C18orf63: variants seen among roughly 807,000 people sequenced by gnomAD.
C18orf63 encodes chromosome 18 open reading frame 63.
C18orf63 carries 50 observed loss-of-function variants against 75.3 expected under a neutral mutation model. The ratio of observed to expected loss-of-function variants is 0.66; its 90% CI spans 0.53 to 0.84. The LOEUF (loss-of-function observed/expected upper bound fraction) is 0.84, where lower values mean the gene tolerates loss of function less well. Ranked by LOEUF, C18orf63 falls within the 40% of genes least tolerant of loss-of-function variation. The probability of loss-of-function intolerance (pLI) is 0.00; values close to 1 mark genes in which losing one functional copy is unlikely to be tolerated. For missense variants in C18orf63, 732 were observed against 800.2 expected (o/e 0.91, Z 1.03); for synonymous variants, 232 against 267.6 (o/e 0.87, Z 1.30).
chr18:74,353,649 A>G lies in C18orf63; in HGVS notation c.1382A>G (p.His461Arg). The G allele has an allele frequency of 6.5e-7, 1 of 1,536,218 alleles. No homozygotes were observed. Among genetic ancestry groups the G allele is most frequent in the South Asian group, 1.2e-5 (1 of 84,064 alleles). The change falls in exon 12 of 14, where the codon CAT (histidine) becomes CGT (arginine). Residue 461 changes from histidine (H) to arginine (R), a missense_variant. By Grantham distance (29) the His-to-Arg change is conservative. Coordinates refer to ENST00000579455, the MANE Select transcript of C18orf63 (RefSeq NM_001174123.2). Reference protein sequence around the residue: ...SVLGSPKRKQHDVTQSKLFSL... With the variant: ...SVLGSPKRKQRDVTQSKLFSL... ...CTTGGCAGCCCAAAAAGAAAACAGC[A>G]TGATGTGACACAATCTAAATTGTTT...
intron 4 of C18orf63, among the ~76,000 whole-genome samples, chr18:74,323,083 A>G (rs1984151937): frequency 6.6e-6 from 1 of 152,230 alleles, no homozygotes; most frequent in Non-Finnish European, 1.5e-5. Flanking sequence ...GCTAATATGT[A>G]GAGAAATAAA....
intron 6 of C18orf63, among the ~76,000 whole-genome samples, chr18:74,330,225 G>C (rs1221310737): frequency 6.6e-6 from 1 of 152,132 alleles, no homozygotes; most frequent in African/African-American, 2.4e-5. Context: ...CAAATTTTAA[G>C]TGTCTAGCTC....
rs2145110917 is a variant in C18orf63, at chr18:74,316,057, C to A, written c.-85C>A. ...TTCCTCCCCCTGAGGAGACGCCTGA[C>A]GCATCTGCAGTGCAGGAGGCCGTGG... On this transcript the variant is annotated 5_prime_UTR_variant, in exon 1 of 14. Transcript: ENST00000579455. The A allele has an allele frequency of 6.6e-6, 1 of 152,304 alleles. No individual in the cohort carries two copies. The highest frequency in any genetic ancestry group is 6.5e-5 in the Admixed American group (1 of 15,306). 9.4% of individuals were successfully genotyped at this position (152,304 alleles called of 1,614,324 possible).
intron 8 of C18orf63, among the ~76,000 whole-genome samples, chr18:74,341,270 CAAAAAAAAAAAA>C (rs58362707): frequency 1.5e-4 from 9 of 59,002 alleles, no homozygotes; most frequent in East Asian, 1.2e-3. Flanking sequence ...GACTCCGTCT[CAAAAAAAAAAAA>C]AAAAAAAAAA....
chr18:74,333,661 C>T (rs1489397002), intron 7 of C18orf63, among the ~76,000 whole-genome samples: 1 of 152,066 alleles, frequency 6.6e-6, no homozygotes, highest in African/African-American at 2.4e-5. Context: ...CCCACTGGGT[C>T]CCTCCCACAA....
In C18orf63 at chr18:74,354,087, G is replaced by A. The variant is rs1984721129; in HGVS notation, c.1820G>A (p.Arg607Gln). Reference sequence around the variant, plus strand: ...TCAGATGGAGAAACCGAAGATCCACGACTGCTACAGCAGCAATCAGAAAAT... The same window carrying A: ...TCAGATGGAGAAACCGAAGATCCACAACTGCTACAGCAGCAATCAGAAAAT... ...FESDGETEDP[R>Q]LLQQQSENQA... The change falls in exon 12 of 14, where the codon CGA becomes CAA. Residue 607 changes from arginine to glutamine, a missense_variant. By Grantham distance (43) the Arg-to-Gln change is conservative (BLOSUM62 1). Transcript: ENST00000579455. 6 of 1,536,080 alleles carry A rather than the reference G, an allele frequency of 3.9e-6. No homozygotes were observed. The highest frequency in any genetic ancestry group is 1.7e-4 in the Middle Eastern group (1 of 6,012).
At chr18:74,316,251 A>C (rs1041928994) in intron 1 of C18orf63, 142 bp downstream of exon 1, 2 of 152,082 alleles carry the variant, frequency 1.3e-5, no homozygotes, top group African/African-American at 4.8e-5. Flanking sequence ...ATCTGCAAAG[A>C]CCCATGAGTC....
Position 74,330,858 on chromosome 18 carries a change from A to T in C18orf63, c.425-8A>T. Reference sequence around the variant, plus strand: ...CAGGTAGTTCACAGTTAAATATTTTATTTTCAGTATTAAACATCAATGTAA... The same window carrying T: ...CAGGTAGTTCACAGTTAAATATTTTTTTTTCAGTATTAAACATCAATGTAA... On this transcript the variant is annotated splice_polypyrimidine_tract_variant and splice_region_variant and intron_variant, in intron 6 of 13. Coordinates refer to ENST00000579455, the MANE Select transcript of C18orf63 (RefSeq NM_001174123.2). 1 of 1,168,108 alleles carries T rather than the reference A, an allele frequency of 8.6e-7. No homozygotes were observed. The highest frequency in any genetic ancestry group is 1.2e-6 in the Non-Finnish European group (1 of 839,098). 72.4% of individuals were successfully genotyped at this position (1,168,108 alleles called of 1,614,324 possible). A position where few individuals can be genotyped will look rare whatever the true frequency, so the allele number is the denominator to read the frequency against.
intron 1 of C18orf63, among the ~76,000 whole-genome samples, chr18:74,316,387 CG>C (rs1219584788): frequency 6.6e-6 from 1 of 152,146 alleles, no homozygotes; most frequent in Non-Finnish European, 1.5e-5. Flanking sequence ...GAAGCCAGGC[CG>C]GAAGAGGGGT....
chr18:74,354,070 AG>A lies in C18orf63; in HGVS notation c.1804del (p.Glu602LysfsTer26). The A allele has an allele frequency of 6.5e-7, 1 of 1,536,254 alleles. No individual in the cohort carries two copies. The highest frequency in any genetic ancestry group is 8.7e-7 in the Non-Finnish European group (1 of 1,146,934). The part of the protein sequence containing the change: ...RQPHIFESDG[E>X]TEDPRLLQQQ... ...AGCCACACATTTTTGAATCAGATGG[AG>A]AAACCGAAGATCCACGACTGCTACA... On this transcript the variant is annotated frameshift_variant, in exon 12 of 14. Transcript: ENST00000579455. LOFTEE classifies it high-confidence loss of function.
At chr18:74,329,962 T>C (rs1050479052) in intron 6 of C18orf63, among the ~76,000 whole-genome samples, 2 of 152,196 alleles carry the variant, frequency 1.3e-5, no homozygotes, top group African/African-American at 4.8e-5. Context: ...AATCTACAGC[T>C]ATTAGATCTG....
rs1235753810 is a variant in C18orf63 at position 74,329,344 on chromosome 18, AG to A, written c.424+309del. ...AGCCATGATTGTGCCACTGCATTCC[AG>A]CCTGGGTGACAGAGCAAGACCCTAT... On this transcript the variant is annotated intron_variant, in intron 6 of 13. Coordinates refer to ENST00000579455, the MANE Select transcript of C18orf63 (RefSeq NM_001174123.2). 6.1e-5 allele frequency among the ~76,000 whole-genome samples: 9 copies of A among 146,548 alleles called. No homozygotes were observed. The Admixed American group carries it at 6.3e-4, about 10-fold the overall frequency.
At chr18:74,348,043 A>G (rs1322136951) in intron 11 of C18orf63, among the ~76,000 whole-genome samples, 1 of 152,120 alleles carries the variant, frequency 6.6e-6, no homozygotes, top group Non-Finnish European at 1.5e-5. Flanking sequence ...TAGTTTCTTA[A>G]TATCTATTAA....
chr18:74,349,623 C>T (rs9966966), intron 11 of C18orf63, among the ~76,000 whole-genome samples: 6,455 of 152,130 alleles, frequency 0.042, 425 homozygotes, highest in African/African-American at 0.14. Flanking sequence ...TTATGAGAAT[C>T]GAATGCCTGA....
intron 7 of C18orf63, among the ~76,000 whole-genome samples, chr18:74,331,918 A>AC (rs1359294833): frequency 6.6e-6 from 1 of 152,166 alleles, no homozygotes; most frequent in Non-Finnish European, 1.5e-5. Context: ...AATAGGATCT[A>AC]CTTTTCTGCC....
intron 11 of C18orf63, among the ~76,000 whole-genome samples, chr18:74,348,016 C>T (rs913389779): frequency 1.3e-5 from 2 of 152,012 alleles, no homozygotes; most frequent in Non-Finnish European, 2.9e-5. Flanking sequence ...TATTATTATA[C>T]CTAACAGAAT....
intron 7 of C18orf63, among the ~76,000 whole-genome samples, chr18:74,336,727 T>C (rs1984397933): frequency 6.6e-6 from 1 of 152,096 alleles, no homozygotes; most frequent in Admixed American, 6.6e-5. Context: ...CAATTATGTC[T>C]AAAACTGAAT....
At chr18:74,320,944 C>A (rs903944282) in intron 3 of C18orf63, among the ~76,000 whole-genome samples, 6 of 152,096 alleles carry the variant, frequency 3.9e-5, no homozygotes, top group Non-Finnish European at 7.4e-5. Flanking sequence ...TTCAACAAAT[C>A]TCCAGTTGTT....
chr18:74,344,889 A>G (rs570877812), intron 11 of C18orf63, among the ~76,000 whole-genome samples: 2 of 152,032 alleles, frequency 1.3e-5, no homozygotes, highest in Non-Finnish European at 2.9e-5. Context: ...ACATTCTTGT[A>G]TATGTCTGCT....
Sources: gnomAD v4.1 joint callset for allele counts (sites outside exome capture counted in the v4.1 genomes callset) on GRCh38, gnomAD v4.1.1 for gene constraint, MANE v1.5 for transcripts, NCBI Gene and HGNC (gene_info 2026-07-23, HGNC 2026-07-21) for gene names.